Variants in MOB4 observed in about 807,000 individuals in gnomAD.
The protein encoded by MOB4 is MOB family member 4, phocein.
In MOB4, 4 loss-of-function variants were observed where a neutral mutation model predicts 32.2. The ratio of observed to expected loss-of-function variants is 0.12; its 90% confidence interval spans 0.06 to 0.28. The LOEUF is 0.28. Among genes scored for constraint, MOB4 ranks in the 10% least tolerant of loss-of-function variants. The pLI is 1.00. For synonymous variants in MOB4, 88 were observed against 88.1 expected (o/e 1.00, Z 0.01); for missense variants, 158 against 271.2 (o/e 0.58, Z 2.93).
chr2:197,519,426 TTTC>T (rs1180804947), intron 1 of MOB4, among the ~76,000 whole-genome samples: 1 of 152,212 alleles, frequency 6.6e-6, no homozygotes, highest in Non-Finnish European at 1.5e-5. Context: ...GATGCTTAAG[TTTC>T]TTAAGTAAAA....
chr2:197,546,746 C>G (rs1264329588), intron 5 of MOB4, among the ~76,000 whole-genome samples: 2 of 152,248 alleles, frequency 1.3e-5, no homozygotes, highest in East Asian at 3.9e-4. Context: ...ACAGTTGACC[C>G]TTGAACAACT....
intron 5 of MOB4, among the ~76,000 whole-genome samples, chr2:197,544,377 A>G (rs1351601968): frequency 1.3e-5 from 2 of 152,144 alleles, no homozygotes; most frequent in Non-Finnish European, 2.9e-5. Flanking sequence ...TGGCCATAAT[A>G]GTTTCTGTTT....
At chr2:197,549,808 C>T (rs1223425748) in intron 6 of MOB4, among the ~76,000 whole-genome samples, 1 of 150,638 alleles carries the variant, frequency 6.6e-6, no homozygotes, top group African/African-American at 2.4e-5. Context: ...GCCTTGGCCT[C>T]CCAAAGTGCT....
intron 2 of MOB4, among the ~76,000 whole-genome samples, chr2:197,525,131 G>C (rs2086587537): frequency 6.6e-6 from 1 of 152,144 alleles, no homozygotes; most frequent in Non-Finnish European, 1.5e-5. Context: ...GGATCACCAG[G>C]TCAGGAGATC....
intron 2 of MOB4, among the ~76,000 whole-genome samples, chr2:197,524,425 G>A (rs1047032160): frequency 1.3e-5 from 2 of 151,546 alleles, no homozygotes; most frequent in Admixed American, 6.6e-5. Context: ...CCAGCTACTC[G>A]GGAGGGCTAA....
intron 3 of MOB4, 60 bp from the exon 4 acceptor site, chr2:197,540,051 A>T: frequency 6.5e-7 from 1 of 1,531,504 alleles, no homozygotes. Context: ...TGCAGCTAAT[A>T]TTCTAAAAAT....
chr2:197,535,860 T>A (rs1472126405), intron 3 of MOB4, among the ~76,000 whole-genome samples: 1 of 151,940 alleles, frequency 6.6e-6, no homozygotes, highest in Non-Finnish European at 1.5e-5. Context: ...TCAGAGTTGA[T>A]AATTTGGACC....
rs2106142181 is a variant in MOB4, at chr2:197,550,705, A to G, written c.*59A>G. The G allele has an allele frequency of 6.8e-7, 1 of 1,477,232 alleles. No individual in the cohort carries two copies. Among genetic ancestry groups the G allele is most frequent in the East Asian group, 2.4e-5 (1 of 41,656 alleles). 91.5% of individuals were successfully genotyped at this position (1,477,232 alleles called of 1,614,324 possible). On this transcript the variant is annotated 3_prime_UTR_variant, in exon 8 of 8. Coordinates refer to ENST00000323303, the MANE Select transcript of MOB4 (RefSeq NM_015387.5). ...ATTAACATTATGTACTGTATATATC[A>G]TTTTAGACACATCAATCATGTATCC...
At position 197,535,510 on chromosome 2, in the gene MOB4, A is replaced by T. The variant is rs781000268; in HGVS notation, c.124-20A>T. 2.5e-6 allele frequency: 4 copies of T among 1,574,570 alleles called. No homozygotes were observed. Among genetic ancestry groups the T allele is most frequent in the Non-Finnish European group, 3.4e-6 (4 of 1,164,458 alleles). On this transcript the variant is annotated intron_variant, in intron 2 of 7. Coordinates refer to ENST00000323303, the MANE Select transcript of MOB4 (RefSeq NM_015387.5). The stretch of plus-strand genomic sequence containing the variant: ...CAGGTGATATAATTTAATTAACCAT[A>T]AGAACTTCTTTGTTTTTAGTATATT...
intron 2 of MOB4, among the ~76,000 whole-genome samples, chr2:197,531,232 G>GA (rs2086698474): frequency 6.6e-6 from 1 of 151,926 alleles, no homozygotes; most frequent in East Asian, 1.9e-4. Context: ...TTTTAGTAGA[G>GA]ACGGGGTTTC....
intron 6 of MOB4, 55 bp from the exon 7 acceptor site, chr2:197,550,220 T>C: frequency 1.3e-6 from 2 of 1,515,598 alleles, no homozygotes; most frequent in Admixed American, 2.1e-5. Context: ...TGGACTATAT[T>C]GTTCCTAAGA....
upstream of MOB4, chr2:197,515,926 C>G: frequency 1.5e-6 from 1 of 689,116 alleles, no homozygotes; most frequent in Non-Finnish European, 2.4e-6. Flanking sequence ...TCTCCCTCCG[C>G]CTAGCCCGCT....
At chr2:197,530,061 CT>C (rs1016610344) in intron 2 of MOB4, among the ~76,000 whole-genome samples, 3 of 152,050 alleles carry the variant, frequency 2.0e-5, no homozygotes, top group African/African-American at 4.8e-5. Flanking sequence ...TCCCCACCCC[CT>C]GGGTTCAAGC....
At chr2:197,544,619 G>A (rs995479059) in intron 5 of MOB4, among the ~76,000 whole-genome samples, 1 of 152,014 alleles carries the variant, frequency 6.6e-6, no homozygotes, top group African/African-American at 2.4e-5. Flanking sequence ...CGGGCGCTGT[G>A]GCGTGTGCCT....
Position 197,550,656 on chromosome 2 carries a change from T to A in MOB4, c.*10T>A. On this transcript the variant is annotated 3_prime_UTR_variant, in exon 8 of 8. Transcript: ENST00000323303. ...GGAAAGTGAAGCATGAAGGGAATCA[T>A]AGGAAAAATGTACTGATCATATAAT... The A allele has an allele frequency of 6.3e-7, 1 of 1,583,588 alleles. No individual in the cohort carries two copies.
chr2:197,544,521 A>G (rs1027034118), intron 5 of MOB4, among the ~76,000 whole-genome samples: 1 of 152,218 alleles, frequency 6.6e-6, no homozygotes, highest in Admixed American at 6.5e-5. Context: ...GGGGAGGCCA[A>G]GGCGGGCGGA....
chr2:197,522,442 T>C (rs1044033540), intron 1 of MOB4, among the ~76,000 whole-genome samples: 1 of 148,918 alleles, frequency 6.7e-6, no homozygotes, highest in Admixed American at 6.8e-5. Flanking sequence ...GCAATTCTCC[T>C]GCCTCAGCCT....
intron 1 of MOB4, chr2:197,516,540 T>A: frequency 1.8e-6 from 1 of 543,336 alleles, no homozygotes; most frequent in Non-Finnish European, 3.4e-6. Flanking sequence ...GCCGCTGAGG[T>A]GGGAGGGGGT....
At chr2:197,541,164 G>A (rs1042628881) in intron 5 of MOB4, among the ~76,000 whole-genome samples, 1 of 152,044 alleles carries the variant, frequency 6.6e-6, no homozygotes, top group African/African-American at 2.4e-5. Context: ...GTCTCCCAAA[G>A]TGCTGGGATT....
Sources: allele counts gnomAD v4.1 joint callset (sites outside exome capture counted in the v4.1 genomes callset), GRCh38; gene constraint gnomAD v4.1.1; transcripts MANE v1.5; gene names NCBI Gene and HGNC (gene_info 2026-07-23, HGNC 2026-07-21).